Variants in CRACDL observed in about 807,000 individuals in gnomAD.
The protein encoded by CRACDL is CRACD-like protein.
Under a neutral mutation model 70.6 loss-of-function variants are expected in CRACDL, and 26 were observed. That is an observed-to-expected ratio of 0.37 (90% CI 0.27 to 0.51). The LOEUF is 0.51. Ranked by LOEUF, CRACDL falls within the 20% of genes least tolerant of loss-of-function variation. The pLI, the probability that CRACDL is intolerant of heterozygous loss-of-function variation, is 0.94. For missense variants in CRACDL, 1,283 were observed against 1,376.9 expected (o/e 0.93, Z 1.08); for synonymous variants, 618 against 615.2 (o/e 1.00, Z -0.07).
chr2:98,914,627 C>A (rs1030823487), intron 1 of CRACDL, among the ~76,000 whole-genome samples: 20 of 152,174 alleles, frequency 1.3e-4, no homozygotes, highest in African/African-American at 4.3e-4. Context: ...CCCCTGCCCC[C>A]CACCAGCCTT....
intron 5 of CRACDL, 125 bp downstream of exon 5, chr2:98,832,221 AGT>A: frequency 1.1e-6 from 1 of 937,452 alleles, no homozygotes. Flanking sequence ...TGTAGGCTCC[AGT>A]GACCCAGTTG....
intron 1 of CRACDL, among the ~76,000 whole-genome samples, chr2:98,874,483 T>C (rs1707430284): frequency 6.6e-6 from 1 of 152,202 alleles, no homozygotes; most frequent in South Asian, 2.1e-4. Context: ...CATTGCACCT[T>C]GCGCCTCGTG....
At chr2:98,911,567 C>T (rs1708549214) in intron 1 of CRACDL, among the ~76,000 whole-genome samples, 2 of 152,232 alleles carry the variant, frequency 1.3e-5, no homozygotes, top group African/African-American at 4.8e-5. Flanking sequence ...AGATCCCAGT[C>T]AGGGGTGCCA....
intron 1 of CRACDL, among the ~76,000 whole-genome samples, chr2:98,895,341 G>A (rs1288990286): frequency 6.6e-6 from 1 of 152,210 alleles, no homozygotes; most frequent in Non-Finnish European, 1.5e-5. Context: ...AGGATTGGTG[G>A]TTTTGAGGGC....
At chr2:98,827,427 T>G (rs1461872119) in intron 5 of CRACDL, among the ~76,000 whole-genome samples, 2 of 152,112 alleles carry the variant, frequency 1.3e-5, no homozygotes, top group African/African-American at 2.4e-5. Context: ...AAGTAGCTGG[T>G]ATTACAGGCA....
chr2:98,892,950 G>A (rs1708016447), intron 1 of CRACDL, among the ~76,000 whole-genome samples: 1 of 152,004 alleles, frequency 6.6e-6, no homozygotes, highest in Non-Finnish European at 1.5e-5. Flanking sequence ...AGATTTTTTT[G>A]GTTTCTCTGA....
At chr2:98,796,312 A>T (rs909022433) in intron 8 of CRACDL, 48 bp from the exon 9 acceptor site, 4 of 1,579,248 alleles carry the variant, frequency 2.5e-6, no homozygotes, top group Non-Finnish European at 3.5e-6. Context: ...TGATTCAGAC[A>T]GGGGCAAACA....
At chr2:98,804,798 C>T (rs1704218893) in intron 7 of CRACDL, among the ~76,000 whole-genome samples, 1 of 152,192 alleles carries the variant, frequency 6.6e-6, no homozygotes, top group African/African-American at 2.4e-5. Flanking sequence ...CAGAATTACA[C>T]CTAAAACAAG....
At chr2:98,868,026 T>C (rs1257455845) in intron 1 of CRACDL, among the ~76,000 whole-genome samples, 1 of 152,180 alleles carries the variant, frequency 6.6e-6, no homozygotes, top group Admixed American at 6.5e-5. Context: ...ACATCACCAC[T>C]CTATCCTGGC....
intron 5 of CRACDL, among the ~76,000 whole-genome samples, chr2:98,830,013 T>C (rs1705472865): frequency 6.6e-6 from 1 of 152,242 alleles, no homozygotes; most frequent in Non-Finnish European, 1.5e-5. Flanking sequence ...GTGGGGCATG[T>C]ATTTGTTCAT....
intron 1 of CRACDL, among the ~76,000 whole-genome samples, chr2:98,924,252 G>A (rs190542315): frequency 1.7e-3 from 262 of 152,208 alleles, no homozygotes; most frequent in Non-Finnish European, 3.1e-3. Flanking sequence ...GCAGACCCTG[G>A]GCTGGAGCTG....
chr2:98,846,685 C>A lies in CRACDL; in HGVS notation c.70+46G>T, dbSNP rs769765661. ...TCTGTCAGTCCCTCTCCCTGCCCCACAACAAAGCAAGTGCCCTCCCCAGAG... is the reference window on the plus strand; with the variant it reads ...TCTGTCAGTCCCTCTCCCTGCCCCAAAACAAAGCAAGTGCCCTCCCCAGAG... On this transcript the variant is annotated intron_variant, in intron 2 of 9. Transcript: ENST00000397899. The A allele has an allele frequency of 1.7e-5, 26 of 1,537,662 alleles. No homozygotes were observed. In the South Asian group the frequency reaches 2.6e-4, roughly 15 times the overall value.
At chr2:98,895,512 G>A (rs960987620) in intron 1 of CRACDL, among the ~76,000 whole-genome samples, 1 of 152,186 alleles carries the variant, frequency 6.6e-6, no homozygotes, top group African/African-American at 2.4e-5. Context: ...CCGGAGGCAG[G>A]GGGGAACATA....
intron 1 of CRACDL, among the ~76,000 whole-genome samples, chr2:98,888,555 C>T (rs1558624085): frequency 6.6e-6 from 1 of 151,956 alleles, no homozygotes; most frequent in African/African-American, 2.4e-5. Flanking sequence ...AAATGGTACA[C>T]TAGAAAATAT....
Position 98,815,821 on chromosome 2 carries a change from G to T in CRACDL, c.2416+6036C>A, listed in dbSNP as rs553369102. 2.8e-4 allele frequency among the ~76,000 whole-genome samples: 43 copies of T among 152,332 alleles called. No homozygotes were observed. The South Asian group carries it at 3.1e-3, about 11-fold the overall frequency. The stretch of plus-strand genomic sequence containing the variant: ...TCACTGATGACCAAAGATTAGGACT[G>T]AAAGAATCAAGAGTTGTGCCTCACA... On this transcript the variant is annotated intron_variant, in intron 7 of 9. Coordinates refer to ENST00000397899, the MANE Select transcript of CRACDL (RefSeq NM_207362.3).
rs377465462 is a variant in CRACDL, at chr2:98,861,717, G to T, written c.-10-14907C>A. Among the ~76,000 whole-genome samples, 82 of 152,248 alleles carry T rather than the reference G, an allele frequency of 5.4e-4. 5 individuals carry two copies. The South Asian group carries it at 0.016, about 30-fold the overall frequency. On this transcript the variant is annotated intron_variant, in intron 1 of 9. Transcript: ENST00000397899. ...AGAATCTGTCTGATGTAATTATTTT[G>T]AAACTCTGGAGTCAACTGAAGGCTT...
At position 98,794,055 on chromosome 2, in the gene CRACDL, A is replaced by G. The variant is rs1703701365; in HGVS notation, c.*477T>C. On this transcript the variant is annotated 3_prime_UTR_variant, in exon 10 of 10. Transcript: ENST00000397899. ...TTGGAAACGGCATCCCTGTTTTGCC[A>G]TGAATGTCATGCCTCGTAGTAAACA... 6.5e-6 allele frequency: 1 copy of G among 152,792 alleles called. No individual in the cohort carries two copies. 9.5% of individuals were successfully genotyped at this position (152,792 alleles called of 1,614,324 possible). A position where few individuals can be genotyped will look rare whatever the true frequency, so the allele number is the denominator to read the frequency against.
chr2:98,793,958 AC>A lies in CRACDL; in HGVS notation c.*573del, dbSNP rs1703696573. 6.5e-6 allele frequency: 1 copy of A among 152,714 alleles called. No individual in the cohort carries two copies. The highest frequency in any genetic ancestry group is 1.5e-5 in the Non-Finnish European group (1 of 68,104). The allele number at this position is 152,714 out of a possible 1,614,324, so 9.5% of individuals were successfully genotyped here. A position where few individuals can be genotyped will look rare whatever the true frequency, so the allele number is the denominator to read the frequency against. On this transcript the variant is annotated 3_prime_UTR_variant, in exon 10 of 10. Transcript: ENST00000397899. ...TTGGAAACAGTCTATGAATTGATGA[AC>A]CCTGCCGTGTTCCTTCATCTCCTTC... is the stretch of plus-strand genomic sequence containing the variant.
chr2:98,800,426 T>G (rs1704025583), intron 7 of CRACDL, among the ~76,000 whole-genome samples: 1 of 152,024 alleles, frequency 6.6e-6, no homozygotes, highest in African/African-American at 2.4e-5. Context: ...GGGGACACTG[T>G]GGGGGTTTTA....
Sources: allele counts gnomAD v4.1 joint callset (sites outside exome capture counted in the v4.1 genomes callset), GRCh38; gene constraint gnomAD v4.1.1; transcripts MANE v1.5; gene names NCBI Gene and HGNC (gene_info 2026-07-23, HGNC 2026-07-21).